The following MIB1 variants were observed in gnomAD, a reference collection of about 807,000 sequenced individuals.
MIB1 encodes the protein E3 ubiquitin-protein ligase MIB1.
MIB1 carries 278 observed loss-of-function variants against 124.5 expected under a neutral mutation model. That is an observed-to-expected ratio of 2.23 (90% CI 2.02 to 2.47). The LOEUF (loss-of-function observed/expected upper bound fraction) is 2.47, where lower values mean the gene tolerates loss of function less well. Among genes scored for constraint, MIB1 ranks in the 30% most tolerant of loss-of-function variants. The pLI, the probability that MIB1 is intolerant of heterozygous loss-of-function variation, is 0.00. For synonymous variants in MIB1, 446 were observed against 429.4 expected (o/e 1.04, Z -0.48); for missense variants, 957 against 1,254.4 (o/e 0.76, Z 3.58).
intron 9 of MIB1, among the ~76,000 whole-genome samples, chr18:21,801,185 A>G (rs936958563): frequency 2.0e-5 from 3 of 152,068 alleles, no homozygotes; most frequent in Non-Finnish European, 2.9e-5. Flanking sequence ...ACATACCAGT[A>G]TACCTCTGTT....
chr18:21,715,299 C>G (rs956296779), intron 1 of MIB1, among the ~76,000 whole-genome samples: 2 of 152,124 alleles, frequency 1.3e-5, no homozygotes, highest in African/African-American at 4.8e-5. Context: ...AAGCCACATC[C>G]ATAGGAAAAG....
intron 1 of MIB1, among the ~76,000 whole-genome samples, chr18:21,724,789 G>T (rs1298011417): frequency 3.1e-5 from 3 of 98,200 alleles, no homozygotes; most frequent in African/African-American, 1.2e-4. Flanking sequence ...TATATGGATT[G>T]TTATAAGAAA....
intron 1 of MIB1, among the ~76,000 whole-genome samples, chr18:21,712,760 G>A (rs2040671240): frequency 6.6e-6 from 1 of 152,140 alleles, no homozygotes; most frequent in Non-Finnish European, 1.5e-5. Context: ...AGTTGTACCT[G>A]GACCTATGAC....
chr18:21,795,347 T>A (rs1261879826), intron 7 of MIB1, among the ~76,000 whole-genome samples: 1 of 143,416 alleles, frequency 7.0e-6, no homozygotes, highest in African/African-American at 2.5e-5. Context: ...ATATATATAA[T>A]ATATAAATAA....
rs547856024 is a variant in MIB1, at chr18:21,770,230, T to C, written c.531+1478T>C. Among the ~76,000 whole-genome samples the C allele has an allele frequency of 5.9e-5, 9 of 152,190 alleles. No individual in the cohort carries two copies. The East Asian group carries it at 1.4e-3, about 23-fold the overall frequency. On this transcript the variant is annotated intron_variant, in intron 3 of 20. Transcript: ENST00000261537. Reference sequence around the variant, plus strand: ...AAACAGACAAACGAAAAGAACAAAATGAAGAAAAAGAAATGAAACCATCTT... The same window carrying C: ...AAACAGACAAACGAAAAGAACAAAACGAAGAAAAAGAAATGAAACCATCTT...
In MIB1 at chr18:21,741,567, C is replaced by T. The variant is rs561980800; in HGVS notation, c.-17C>T. 1,075 of 1,373,466 alleles carry T rather than the reference C, an allele frequency of 7.8e-4. No individual in the cohort carries two copies. The highest frequency in any genetic ancestry group is 9.5e-4 in the Non-Finnish European group (1,015 of 1,063,740). 85.1% of individuals were successfully genotyped at this position (1,373,466 alleles called of 1,614,324 possible). A position where few individuals can be genotyped will look rare whatever the true frequency, so the allele number is the denominator to read the frequency against. ...GCGGCGGCGGCGGCAGCGGCGGAGC[C>T]CACCGCCCGGGCCCCGATGAGTAAC... On this transcript the variant is annotated 5_prime_UTR_variant, in exon 1 of 21. Coordinates refer to ENST00000261537, the MANE Select transcript of MIB1 (RefSeq NM_020774.4). The surrounding 1 kb of genome is among the most constrained non-coding windows in gnomAD (Gnocchi z 5.4).
intron 6 of MIB1, among the ~76,000 whole-genome samples, chr18:21,780,022 T>C (rs1456753933): frequency 6.6e-6 from 1 of 152,226 alleles, no homozygotes; most frequent in Non-Finnish European, 1.5e-5. Context: ...TGTGTTCGTA[T>C]TGGACTATAT....
At chr18:21,850,082 A>G (rs1432927843) in intron 17 of MIB1, among the ~76,000 whole-genome samples, 1 of 151,892 alleles carries the variant, frequency 6.6e-6, no homozygotes. Context: ...ATCTATATCT[A>G]CTCTGAACTT....
At position 21,803,605 on chromosome 18, in the gene MIB1, T is replaced by C. The variant is rs530410119; in HGVS notation, c.1372-302T>C. ...ACTCAGAGATTAATCTAAAAAGAAATATATATACAAAACCAACTTAACTTA... is the reference window on the plus strand; with the variant it reads ...ACTCAGAGATTAATCTAAAAAGAAACATATATACAAAACCAACTTAACTTA... On this transcript the variant is annotated intron_variant, in intron 9 of 20. Transcript: ENST00000261537. 8.2e-4 allele frequency: 163 copies of C among 197,728 alleles called. 1 individual carries two copies. Among genetic ancestry groups the C allele is most frequent in the African/African-American group, 3.6e-3 (158 of 43,316 alleles). 12.2% of individuals were successfully genotyped at this position (197,728 alleles called of 1,614,324 possible).
intron 6 of MIB1, among the ~76,000 whole-genome samples, chr18:21,784,545 T>C (rs909252714): frequency 2.6e-5 from 4 of 152,164 alleles, no homozygotes; most frequent in Admixed American, 6.5e-5. Context: ...AAATGGAGTA[T>C]AGATTTGATT....
At chr18:21,733,823 A>G (rs2040783138) in intron 1 of MIB1, among the ~76,000 whole-genome samples, 1 of 151,908 alleles carries the variant, frequency 6.6e-6, no homozygotes, top group Non-Finnish European at 1.5e-5. Flanking sequence ...CTCCTGCCTC[A>G]GCCTCCTGAG....
intron 1 of MIB1, among the ~76,000 whole-genome samples, chr18:21,718,307 G>A (rs557007015): frequency 1.2e-4 from 19 of 152,220 alleles, no homozygotes; most frequent in African/African-American, 4.3e-4. Context: ...CTTGGGTGAT[G>A]GGTGCACCAA....
chr18:21,738,416 A>C (rs2040804967), upstream of MIB1, among the ~76,000 whole-genome samples: 1 of 152,190 alleles, frequency 6.6e-6, no homozygotes, highest in African/African-American at 2.4e-5. Context: ...AATCTCTGGG[A>C]CTCATTTAAA....
chr18:21,718,978 C>T lies in MIB1; in HGVS notation n.167+13855C>T, dbSNP rs1016889059. On this transcript the variant is annotated intron_variant and non_coding_transcript_variant, in intron 1 of 20. Coordinates refer to the MIB1 transcript ENST00000578646. ...CCAAGGTGGGTGGATCACCCTAGGT[C>T]GGGAGTTTGAGACCAGCCTGACCAA... Among the ~76,000 whole-genome samples, 3 of 151,838 alleles carry T rather than the reference C, an allele frequency of 2.0e-5. No individual in the cohort carries two copies. The East Asian group carries it at 5.8e-4, about 29-fold the overall frequency.
At chr18:21,862,984 G>A (rs537615961) in intron 20 of MIB1, among the ~76,000 whole-genome samples, 186 of 152,094 alleles carry the variant, frequency 1.2e-3, no homozygotes, top group Non-Finnish European at 2.3e-3. Flanking sequence ...AGGTTTTTTT[G>A]TTTGTTTGTT....
chr18:21,837,833 A>G (rs572322322), intron 12 of MIB1, among the ~76,000 whole-genome samples: 57 of 152,308 alleles, frequency 3.7e-4, no homozygotes, highest in African/African-American at 1.2e-3. Context: ...CTACACAATA[A>G]TCGTCAGCTA....
At chr18:21,768,486 C>T in intron 2 of MIB1, 137 bp from the exon 3 acceptor site, 1 of 527,084 alleles carries the variant, frequency 1.9e-6, no homozygotes, top group South Asian at 2.3e-5. Context: ...ATTCCTGTAT[C>T]ATGCTATTAT....
At chr18:21,860,342 C>G (rs1381836599) in intron 20 of MIB1, among the ~76,000 whole-genome samples, 1 of 151,950 alleles carries the variant, frequency 6.6e-6, no homozygotes, top group Non-Finnish European at 1.5e-5. Context: ...CTCAAGGGAT[C>G]TACACACCTT....
chr18:21,822,594 A>G (rs1268168660), intron 12 of MIB1, among the ~76,000 whole-genome samples: 2 of 152,206 alleles, frequency 1.3e-5, no homozygotes, highest in African/African-American at 4.8e-5. Context: ...TGTGATTTTA[A>G]TTGGACACTG....
Sources: allele counts gnomAD v4.1 joint callset (sites outside exome capture counted in the v4.1 genomes callset), GRCh38; gene constraint gnomAD v4.1.1; non-coding constraint Gnocchi (gnomAD v3.1); transcripts MANE v1.5; gene names NCBI Gene and HGNC (gene_info 2026-07-23, HGNC 2026-07-21).